The following ALDH7A1 variants were observed in gnomAD, a reference collection of about 807,000 sequenced individuals.
ALDH7A1 encodes the protein aldehyde dehydrogenase 7 family member A1.
A neutral mutation model predicts 79.9 loss-of-function variants in ALDH7A1; 63 were observed. The ratio of observed to expected loss-of-function variants is 0.79; its 90% CI spans 0.64 to 0.97. The LOEUF is 0.97. Among genes scored for constraint, ALDH7A1 ranks in the 50% least tolerant of loss-of-function variants. The pLI, the probability that ALDH7A1 is intolerant of heterozygous loss-of-function variation, is 0.00. For synonymous variants in ALDH7A1, 240 were observed against 231.2 expected (o/e 1.04, Z -0.34); for missense variants, 627 against 665.2 (o/e 0.94, Z 0.63).
At chr5:126,548,063 A>AG (rs1386478176) in intron 16 of ALDH7A1, among the ~76,000 whole-genome samples, 1 of 152,162 alleles carries the variant, frequency 6.6e-6, no homozygotes, top group Non-Finnish European at 1.5e-5. Flanking sequence ...AAAAAAAAAA[A>AG]AGAATCTCAA....
chr5:126,595,186 G>T lies in ALDH7A1; in HGVS notation c.13C>A (p.Pro5Thr), dbSNP rs745921838. The change falls in exon 1 of 18, where the codon CCT becomes ACT. Residue 5 changes from proline (P) to threonine (T), a missense_variant. By Grantham distance (38) the Pro-to-Thr change is conservative. Transcript: ENST00000409134. MWRL[P>T]RALCVHAAKT... is the part of the protein sequence containing the mutation. ...GCAGCGTGCACACACAGCGCGCGAG[G>T]AAGGCGCCACATACTGAGCCCGGGA... The T allele has an allele frequency of 6.4e-7, 1 of 1,552,292 alleles. No individual in the cohort carries two copies. Among genetic ancestry groups the T allele is most frequent in the Non-Finnish European group, 8.7e-7 (1 of 1,147,246 alleles).
chr5:126,563,496 A>G (rs1214245989), intron 9 of ALDH7A1, among the ~76,000 whole-genome samples: 2 of 152,050 alleles, frequency 1.3e-5, no homozygotes, highest in Non-Finnish European at 1.5e-5. Context: ...CATGAATGCC[A>G]TTCTTTTTTT....
intron 12 of ALDH7A1, 47 bp downstream of exon 12, chr5:126,555,884 A>G (rs1219652704): frequency 4.2e-6 from 6 of 1,444,388 alleles, no homozygotes; most frequent in Non-Finnish European, 4.9e-6. Context: ...CTTGTTAACA[A>G]CAGCTCTCAA....
intron 2 of ALDH7A1, 104 bp from the exon 3 acceptor site, chr5:126,592,833 G>T: frequency 8.6e-7 from 1 of 1,164,834 alleles, no homozygotes; most frequent in Non-Finnish European, 1.2e-6. Context: ...AAATCTCTAG[G>T]GTTCCCTAAC....
At chr5:126,559,501 T>C (rs954065486) in intron 10 of ALDH7A1, 167 bp from the exon 11 acceptor site, 4 of 570,266 alleles carry the variant, frequency 7.0e-6, no homozygotes, top group Non-Finnish European at 1.3e-5. Context: ...AATGGCACGA[T>C]CTCGGCTCAC....
intron 13 of ALDH7A1, 22 bp downstream of exon 13, chr5:126,554,265 T>C (rs1247781551): frequency 6.9e-6 from 11 of 1,604,828 alleles, no homozygotes; most frequent in African/African-American, 2.7e-5. Flanking sequence ...GCTGTCACAA[T>C]TGATCTCAGA....
chr5:126,550,573 G>T (rs183583424), intron 14 of ALDH7A1, among the ~76,000 whole-genome samples: 1 of 146,552 alleles, frequency 6.8e-6, no homozygotes, highest in African/African-American at 2.4e-5. Flanking sequence ...GAGCTCTTAC[G>T]TGTGTAACAC....
At chr5:126,564,730 C>T in intron 9 of ALDH7A1, 1 of 433,274 alleles carries the variant, frequency 2.3e-6, no homozygotes, top group Non-Finnish European at 3.9e-6. Flanking sequence ...TAGCATAGCG[C>T]TATGCTAGGT....
chr5:126,590,520 C>G (rs953294333), intron 3 of ALDH7A1, among the ~76,000 whole-genome samples: 1 of 152,054 alleles, frequency 6.6e-6, no homozygotes, highest in African/African-American at 2.4e-5. Flanking sequence ...GATCACACCA[C>G]TGCAGAGTGA....
chr5:126,592,924 A>G (rs1283815082), intron 2 of ALDH7A1, among the ~76,000 whole-genome samples, 195 bp from the exon 3 acceptor site: 1 of 152,230 alleles, frequency 6.6e-6, no homozygotes, highest in African/African-American at 2.4e-5. Context: ...GTATCCAACT[A>G]TGCTTTAAAA....
intron 17 of ALDH7A1, among the ~76,000 whole-genome samples, chr5:126,545,746 C>T (rs1270412924): frequency 6.6e-5 from 10 of 150,578 alleles, no homozygotes; most frequent in Admixed American, 2.0e-4. Flanking sequence ...GAGCTGAGAT[C>T]AGGCCACTGC....
At chr5:126,575,146 T>C (rs1281551904) in intron 7 of ALDH7A1, among the ~76,000 whole-genome samples, 1 of 152,198 alleles carries the variant, frequency 6.6e-6, no homozygotes, top group African/African-American at 2.4e-5. Context: ...AATTTTCCTT[T>C]CCACTGAAGA....
intron 9 of ALDH7A1, among the ~76,000 whole-genome samples, chr5:126,563,052 T>C (rs1425854262): frequency 1.1e-4 from 16 of 152,176 alleles, no homozygotes; most frequent in Non-Finnish European, 1.5e-4. Context: ...GTTCTAAAGA[T>C]AGGCTGTATG....
chr5:126,553,895 G>T (rs778150040), intron 13 of ALDH7A1, among the ~76,000 whole-genome samples: 1 of 151,948 alleles, frequency 6.6e-6, no homozygotes, highest in Admixed American at 6.6e-5. Flanking sequence ...ATCACTTGAG[G>T]CCAGGAGTTA....
intron 9 of ALDH7A1, 69 bp from the exon 10 acceptor site, chr5:126,561,193 C>T: frequency 1.6e-6 from 2 of 1,230,250 alleles, no homozygotes; most frequent in Non-Finnish European, 2.3e-6. Context: ...TGCTACACAG[C>T]CTAATCCCAA....
At chr5:126,584,879 G>A (rs1751308288) in intron 3 of ALDH7A1, among the ~76,000 whole-genome samples, 1 of 151,952 alleles carries the variant, frequency 6.6e-6, no homozygotes. Context: ...AGGTTTTGGG[G>A]GTAAAGAGCA....
rs543182575 is a variant in ALDH7A1, at chr5:126,559,253, G to C, written c.995C>G (p.Thr332Ser). 2.5e-6 allele frequency: 4 copies of C among 1,613,844 alleles called. No individual in the cohort carries two copies. Among genetic ancestry groups the C allele is most frequent in the Admixed American group, 1.7e-5 (1 of 60,024 alleles). ...AVGTAGQRCT[T>S]ARRLFIHESI... ...AGATATACTCACCAGTCGCCTCGCAGTGGTACACCTCTGGCCAGCTGTTCC... is the reference window on the plus strand; with the variant it reads ...AGATATACTCACCAGTCGCCTCGCACTGGTACACCTCTGGCCAGCTGTTCC... The change falls in exon 11 of 18, where the codon ACT becomes AGT. Residue 332 changes from threonine (T) to serine (S), a missense_variant. Coordinates refer to ENST00000409134, the MANE Select transcript of ALDH7A1 (RefSeq NM_001182.5).
chr5:126,578,638 CAA>C lies in ALDH7A1; in HGVS notation c.518-1429_518-1428del, dbSNP rs70994880. Among the ~76,000 whole-genome samples the C allele has an allele frequency of 3.1e-3, 280 of 90,332 alleles. 1 individual carries two copies. The highest frequency in any genetic ancestry group is 7.9e-3 in the African/African-American group (233 of 29,490). The allele number at this position is 90,332 out of a possible 152,430, so 59.3% of individuals were successfully genotyped here. On this transcript the variant is annotated intron_variant, in intron 5 of 17. Transcript: ENST00000409134. ...TGGACAACAGAGTAAGACCCTGTAT[CAA>C]AAAAAAAAAAAAAAAGAAAGAAAAG...
chr5:126,577,192 A>T lies in ALDH7A1; in HGVS notation c.537T>A (p.Ile179=). 6.2e-7 allele frequency: 1 copy of T among 1,614,180 alleles called. No homozygotes were observed. The highest frequency in any genetic ancestry group is 8.5e-7 in the Non-Finnish European group (1 of 1,180,044). The change falls in exon 6 of 18, where the codon ATT becomes ATA. Residue 179 remains isoleucine (I), a synonymous_variant. Transcript: ENST00000409134. ...LPSERSGHAL[I]EQWNPVGLVG... ...CCAGGCCTACGGGATTCCACTGCTC[A>T]ATCAGTGCATGGCCAGATCCTGAGG...
Sources: allele counts gnomAD v4.1 joint callset (sites outside exome capture counted in the v4.1 genomes callset), GRCh38; gene constraint gnomAD v4.1.1; transcripts MANE v1.5; gene names NCBI Gene and HGNC (gene_info 2026-07-23, HGNC 2026-07-21).